Variants in EXOC6B observed in about 807,000 individuals in gnomAD.
EXOC6B encodes SEC15 homolog B.
EXOC6B carries 54 observed loss-of-function variants against 113.5 expected under a neutral mutation model. The ratio of observed to expected loss-of-function variants is 0.48; its 90% CI spans 0.38 to 0.60. The LOEUF (loss-of-function observed/expected upper bound fraction) is 0.60. EXOC6B is among the 20% of genes least tolerant of loss of function. EXOC6B has a pLI of 0.00. For synonymous variants in EXOC6B, 357 were observed against 339.0 expected (o/e 1.05, Z -0.58); for missense variants, 797 against 977.5 (o/e 0.82, Z 2.46).
chr2:72,231,957 C>T (rs1383856933), intron 20 of EXOC6B, among the ~76,000 whole-genome samples: 3 of 151,894 alleles, frequency 2.0e-5, no homozygotes, highest in Non-Finnish European at 4.4e-5. Context: ...ATCATCCTAC[C>T]ATAAAGATGC....
chr2:72,465,247 G>A lies in EXOC6B; in HGVS notation c.1893C>T (p.Thr631=), dbSNP rs766196583. Residue 631 remains threonine, a synonymous_variant, in exon 18 of 22, where the codon ACC becomes ACT. Transcript: ENST00000272427. ...CACTAGCTTTGTTGCCCAAATCTCC[G>A]GTCATCCAGTCATAGTCTGCCAGCT... The part of the protein sequence containing the change: ...FLQLADYDWM[T]GDLGNKASDY... 2.1e-5 allele frequency: 34 copies of A among 1,610,772 alleles called. No homozygotes were observed. The highest frequency in any genetic ancestry group is 6.7e-5 in the African/African-American group (5 of 74,876).
At chr2:72,702,167 C>T (rs1162997069) in intron 6 of EXOC6B, among the ~76,000 whole-genome samples, 12 of 149,904 alleles carry the variant, frequency 8.0e-5, no homozygotes, top group South Asian at 4.3e-4. Flanking sequence ...TGAGAATATG[C>T]GGTGTTTGGT....
chr2:72,251,286 T>A (rs1683004462), intron 20 of EXOC6B, among the ~76,000 whole-genome samples: 1 of 152,194 alleles, frequency 6.6e-6, no homozygotes, highest in South Asian at 2.1e-4. Flanking sequence ...ATACAGGAAT[T>A]TATGTTTAGG....
intron 19 of EXOC6B, among the ~76,000 whole-genome samples, chr2:72,342,259 T>C (rs551590828): frequency 1.1e-4 from 17 of 151,220 alleles, no homozygotes; most frequent in African/African-American, 4.1e-4. Context: ...ATGATAAAGA[T>C]CAGAGCATAA....
chr2:72,214,635 C>G (rs527400974), intron 20 of EXOC6B, among the ~76,000 whole-genome samples: 1 of 152,198 alleles, frequency 6.6e-6, no homozygotes, highest in Non-Finnish European at 1.5e-5. Flanking sequence ...GCTGCCCATA[C>G]TTTCCACTTA....
chr2:72,209,400 C>T (rs1455803602), intron 20 of EXOC6B, among the ~76,000 whole-genome samples: 2 of 151,812 alleles, frequency 1.3e-5, no homozygotes, highest in Non-Finnish European at 2.9e-5. Flanking sequence ...CTTAAATTTT[C>T]AGGTTTCTGA....
At chr2:72,342,837 T>C (rs1480518581) in intron 19 of EXOC6B, among the ~76,000 whole-genome samples, 2 of 152,020 alleles carry the variant, frequency 1.3e-5, no homozygotes, top group Non-Finnish European at 2.9e-5. Context: ...GTTAAAACTA[T>C]AGTTACCGTA....
intron 1 of EXOC6B, among the ~76,000 whole-genome samples, chr2:72,824,886 A>G (rs1472925618): frequency 6.6e-6 from 1 of 152,284 alleles, no homozygotes; most frequent in East Asian, 1.9e-4. Context: ...GGTCCAGGCT[A>G]TCCGAGTAGG....
In EXOC6B at chr2:72,825,484, T is replaced by A. The variant is rs1054281682; in HGVS notation, c.113+314A>T. Among the ~76,000 whole-genome samples, 3 of 152,196 alleles carry A rather than the reference T, an allele frequency of 2.0e-5. No individual in the cohort carries two copies. The highest frequency in any genetic ancestry group is 4.4e-5 in the Non-Finnish European group (3 of 68,036). On this transcript the variant is annotated intron_variant, in intron 1 of 21. Coordinates refer to ENST00000272427, the MANE Select transcript of EXOC6B (RefSeq NM_015189.3). This position sits in a 1 kb window ranked among gnomAD's most constrained non-coding sequence, Gnocchi z 4.4. ...AAGGGTGATGTCCCCAGGGGGAAGA[T>A]CTGCCGGGAGCCACCACCATCTGTC... is the stretch of plus-strand genomic sequence containing the variant.
chr2:72,691,124 T>C (rs1054044954), intron 6 of EXOC6B, among the ~76,000 whole-genome samples: 2 of 151,668 alleles, frequency 1.3e-5, no homozygotes, highest in African/African-American at 4.8e-5. Flanking sequence ...ATAAATACAA[T>C]AAAAAGAAGA....
intron 15 of EXOC6B, among the ~76,000 whole-genome samples, chr2:72,494,585 A>T (rs1377193697): frequency 6.6e-6 from 1 of 152,124 alleles, no homozygotes; most frequent in Non-Finnish European, 1.5e-5. Context: ...CATTCATTTC[A>T]TACATACACT....
At chr2:72,440,824 G>A (rs933907244) in intron 18 of EXOC6B, among the ~76,000 whole-genome samples, 1 of 152,076 alleles carries the variant, frequency 6.6e-6, no homozygotes, top group Non-Finnish European at 1.5e-5. Context: ...CAAAATAAAG[G>A]GATGGAGGAA....
At chr2:72,644,236 A>T (rs1673504774) in intron 6 of EXOC6B, among the ~76,000 whole-genome samples, 1 of 152,206 alleles carries the variant, frequency 6.6e-6, no homozygotes, top group African/African-American at 2.4e-5. Flanking sequence ...GCAAGAAGAT[A>T]AGTTTAGAGA....
rs1159325804 is a variant in EXOC6B, at chr2:72,825,415, C to G, written c.113+383G>C. On this transcript the variant is annotated intron_variant, in intron 1 of 21. Coordinates refer to ENST00000272427, the MANE Select transcript of EXOC6B (RefSeq NM_015189.3). This position sits in a 1 kb window ranked among gnomAD's most constrained non-coding sequence, Gnocchi z 4.4. ...GTGAAATTCTGTGTTGTCTGAAGAG[C>G]AGGACTCCTGTCTAGGGCAGGACGT... Among the ~76,000 whole-genome samples the G allele has an allele frequency of 6.6e-6, 1 of 152,198 alleles. No homozygotes were observed. The highest frequency in any genetic ancestry group is 1.5e-5 in the Non-Finnish European group (1 of 68,044).
intron 18 of EXOC6B, among the ~76,000 whole-genome samples, chr2:72,393,698 G>A (rs1692537966): frequency 6.6e-6 from 1 of 152,046 alleles, no homozygotes; most frequent in South Asian, 2.1e-4. Context: ...CTAAGCTTTA[G>A]TCTTGATTTC....
At chr2:72,257,642 G>C (rs1211896786) in intron 20 of EXOC6B, among the ~76,000 whole-genome samples, 1 of 152,166 alleles carries the variant, frequency 6.6e-6, no homozygotes, top group East Asian at 1.9e-4. Context: ...TATCCTTATG[G>C]AGACAGGATT....
At chr2:72,779,673 G>A (rs1285157242) in intron 1 of EXOC6B, among the ~76,000 whole-genome samples, 1 of 152,140 alleles carries the variant, frequency 6.6e-6, no homozygotes, top group Non-Finnish European at 1.5e-5. Flanking sequence ...ATGGGACTAA[G>A]TTTGGGCCAA....
chr2:72,586,941 G>A (rs1705625705), intron 6 of EXOC6B, among the ~76,000 whole-genome samples: 1 of 152,112 alleles, frequency 6.6e-6, no homozygotes, highest in Non-Finnish European at 1.5e-5. Context: ...CAGAGAAAAG[G>A]GAATGCTTAT....
chr2:72,504,365 A>G (rs935791539), intron 11 of EXOC6B, among the ~76,000 whole-genome samples: 2 of 152,192 alleles, frequency 1.3e-5, no homozygotes, highest in Non-Finnish European at 2.9e-5. Context: ...GACTTAATCA[A>G]TATTTTTTCT....
Sources: gnomAD v4.1 joint callset for allele counts (sites outside exome capture counted in the v4.1 genomes callset) on GRCh38, gnomAD v4.1.1 for gene constraint, Gnocchi (gnomAD v3.1) non-coding constraint, MANE v1.5 for transcripts, NCBI Gene and HGNC (gene_info 2026-07-23, HGNC 2026-07-21) for gene names.